JPH3: variants seen among roughly 807,000 people sequenced by gnomAD.
JPH3 encodes junctophilin 3, also known as junctophilin-3.
In JPH3, 11 loss-of-function variants were observed where a neutral mutation model predicts 59.6. The ratio of observed to expected loss-of-function variants is 0.18; its 90% CI spans 0.12 to 0.31. JPH3 has a LOEUF of 0.31. Ranked by LOEUF, JPH3 falls within the 10% of genes least tolerant of loss-of-function variation. JPH3 has a pLI of 1.00. For synonymous variants in JPH3, 673 were observed against 483.6 expected, an observed-to-expected ratio of 1.39 and a Z score of -5.14; for missense variants, 1,202 against 1,105.7, an observed-to-expected ratio of 1.09 and a Z score of -1.24.
intron 2 of JPH3, among the ~76,000 whole-genome samples, chr16:87,655,961 A>G (rs938080144): frequency 1.3e-5 from 2 of 152,204 alleles, no homozygotes; most frequent in Non-Finnish European, 1.5e-5. Flanking sequence ...TGGTCTCTGC[A>G]TAGATGTCCT....
chr16:87,622,546 T>C (rs1442875224), intron 1 of JPH3, among the ~76,000 whole-genome samples: 1 of 152,164 alleles, frequency 6.6e-6, no homozygotes, highest in Non-Finnish European at 1.5e-5. Flanking sequence ...AGCTCCCCTC[T>C]GTGAGGCTGT....
rs150527778 is a variant in JPH3 at position 87,611,197 on chromosome 16, G to T, written c.382+7669G>T. On this transcript the variant is annotated intron_variant, in intron 1 of 4. Transcript: ENST00000284262. This position sits in a 1 kb window ranked among gnomAD's most constrained non-coding sequence, Gnocchi z 4.5. ...AGGAAGAATAAGGAGTCTGAACAGGGATGCAAAACCGAGATATATGGAATA... is the reference window on the plus strand; with the variant it reads ...AGGAAGAATAAGGAGTCTGAACAGGTATGCAAAACCGAGATATATGGAATA... Among the ~76,000 whole-genome samples the T allele has an allele frequency of 4.0e-3, 607 of 152,338 alleles. 15 individuals carry two copies. The highest frequency in any genetic ancestry group is 2.5e-3 in the East Asian group (13 of 5,184).
At chr16:87,640,566 T>G (rs1023860298) in intron 1 of JPH3, among the ~76,000 whole-genome samples, 3 of 151,846 alleles carry the variant, frequency 2.0e-5, no homozygotes, top group Non-Finnish European at 4.4e-5. Flanking sequence ...AGTTTTTTTG[T>G]ATTTTTAGTA....
At chr16:87,684,811 A>G (rs1010920864) in intron 3 of JPH3, among the ~76,000 whole-genome samples, 2 of 141,388 alleles carry the variant, frequency 1.4e-5, no homozygotes, top group African/African-American at 2.6e-5. Flanking sequence ...TGATTTAGGA[A>G]CCTCGTCCTC....
At chr16:87,615,291 G>C (rs2030914771) in intron 1 of JPH3, among the ~76,000 whole-genome samples, 1 of 152,232 alleles carries the variant, frequency 6.6e-6, no homozygotes, top group African/African-American at 2.4e-5. Context: ...ACCTGGTGGA[G>C]GCCTGGGCTG....
At chr16:87,671,038 C>T (rs1031420477) in intron 2 of JPH3, among the ~76,000 whole-genome samples, 20 of 152,192 alleles carry the variant, frequency 1.3e-4, no homozygotes, top group Admixed American at 9.8e-4. Context: ...CCCGTACAGT[C>T]GCCCGGGACC....
At chr16:87,626,412 C>G (rs942119120) in intron 1 of JPH3, among the ~76,000 whole-genome samples, 1 of 152,246 alleles carries the variant, frequency 6.6e-6, no homozygotes, top group Non-Finnish European at 1.5e-5. Context: ...CTGGGGCTCT[C>G]CTCCCAGCAC....
Position 87,689,825 on chromosome 16 carries a change from C to T in JPH3, c.1465C>T (p.Pro489Ser). 6.5e-7 allele frequency: 1 copy of T among 1,548,470 alleles called. No homozygotes were observed. ...SFPTSPAATP[P>S]PAPAARNKVA... ...CCCCACCAGCCCCGCGGCCACCCCG[C>T]CGCCCGCGCCCGCCGCCAGGAACAA... Residue 489 changes from proline to serine, a missense_variant, in exon 4 of 5, where the codon CCG becomes TCG. Pro to Ser is a moderately conservative substitution (Grantham distance 74). Transcript: ENST00000284262.
intron 2 of JPH3, chr16:87,653,601 G>A (rs747087225): frequency 3.3e-5 from 5 of 152,178 alleles, no homozygotes; most frequent in Admixed American, 6.5e-5. Flanking sequence ...ACACAGCCTC[G>A]TAAAAATATT....
intron 1 of JPH3, among the ~76,000 whole-genome samples, chr16:87,626,221 G>A (rs766626473): frequency 1.4e-4 from 21 of 152,124 alleles, no homozygotes; most frequent in Non-Finnish European, 2.5e-4. Context: ...TGTGGGGTGG[G>A]AATCATTTTT....
chr16:87,616,193 TGTGTG>T (rs1567583272), intron 1 of JPH3, among the ~76,000 whole-genome samples: 16 of 63,048 alleles, frequency 2.5e-4, no homozygotes, highest in African/African-American at 6.4e-4. Flanking sequence ...TCTGGTTTTG[TGTGTG>T]TGTGTGTGTG....
At chr16:87,681,924 C>A (rs749259380) in intron 2 of JPH3, among the ~76,000 whole-genome samples, 9 of 152,148 alleles carry the variant, frequency 5.9e-5, no homozygotes, top group Admixed American at 2.0e-4. Flanking sequence ...GGCCGCGCAT[C>A]TTTAGTTTTG....
chr16:87,642,249 G>T (rs1039451579), intron 1 of JPH3, among the ~76,000 whole-genome samples: 2 of 152,038 alleles, frequency 1.3e-5, no homozygotes, highest in South Asian at 2.1e-4. Flanking sequence ...TAGGGAAAGG[G>T]GGGGGGCAGT....
chr16:87,639,798 T>C (rs973499465), intron 1 of JPH3, among the ~76,000 whole-genome samples: 21 of 152,242 alleles, frequency 1.4e-4, no homozygotes, highest in African/African-American at 4.8e-4. Context: ...TTCCACTGCA[T>C]GACGGCCTCA....
rs189606331 is a variant in JPH3, at chr16:87,696,299, G to A, written c.2167-281G>A. On this transcript the variant is annotated intron_variant, in intron 4 of 4. Coordinates refer to ENST00000284262, the MANE Select transcript of JPH3 (RefSeq NM_020655.4). ...GGTTCTCTCCAAGGGGACCCTGGGA[G>A]AGCTGGTACTCAGGGTGTCGGGGCC... Among the ~76,000 whole-genome samples the A allele has an allele frequency of 1.9e-4, 29 of 152,102 alleles. No individual in the cohort carries two copies. The East Asian group carries it at 5.6e-3, about 30-fold the overall frequency.
intron 1 of JPH3, among the ~76,000 whole-genome samples, chr16:87,607,563 A>G (rs1449653979): frequency 6.6e-6 from 1 of 152,220 alleles, no homozygotes; most frequent in Non-Finnish European, 1.5e-5. Flanking sequence ...AGGACTCTGA[A>G]TCTCCACCAG....
chr16:87,656,889 C>T (rs928975103), intron 2 of JPH3, among the ~76,000 whole-genome samples: 1 of 152,196 alleles, frequency 6.6e-6, no homozygotes, highest in Non-Finnish European at 1.5e-5. Context: ...CAGGGGATCA[C>T]TCCTCGGGCT....
At chr16:87,668,176 G>A (rs988992072) in intron 2 of JPH3, among the ~76,000 whole-genome samples, 3 of 152,168 alleles carry the variant, frequency 2.0e-5, no homozygotes, top group African/African-American at 4.8e-5. Flanking sequence ...CCCTCCAGCC[G>A]CTCCGGGTCC....
At chr16:87,613,466 G>A (rs532693128) in intron 1 of JPH3, among the ~76,000 whole-genome samples, 3 of 151,808 alleles carry the variant, frequency 2.0e-5, no homozygotes, top group Non-Finnish European at 2.9e-5. Context: ...GATTACAGGT[G>A]CCCACGACCA....
Sources: gnomAD v4.1 joint callset for allele counts (sites outside exome capture counted in the v4.1 genomes callset) on GRCh38, gnomAD v4.1.1 for gene constraint, Gnocchi (gnomAD v3.1) non-coding constraint, MANE v1.5 for transcripts, NCBI Gene and HGNC (gene_info 2026-07-23, HGNC 2026-07-21) for gene names.